The following OSBPL6 variants were observed in gnomAD, a reference collection of about 807,000 sequenced individuals.
OSBPL6 encodes oxysterol binding protein like 6, also known as oxysterol-binding protein-related protein 6.
In OSBPL6, 49 loss-of-function variants were observed where a neutral mutation model predicts 125.8. The observed-to-expected ratio is 0.39, with a 90% CI of 0.31 to 0.49. The LOEUF (loss-of-function observed/expected upper bound fraction) is 0.49, where lower values mean the gene tolerates loss of function less well. OSBPL6 is among the 20% of genes least tolerant of loss of function. OSBPL6 has a pLI of 0.88. For synonymous variants in OSBPL6, 394 were observed against 391.8 expected (o/e 1.01, Z -0.07); for missense variants, 986 against 1,135.4 (o/e 0.87, Z 1.89).
chr2:178,347,479 G>C (rs1836204), intron 11 of OSBPL6, among the ~76,000 whole-genome samples: 1 of 152,124 alleles, frequency 6.6e-6, no homozygotes, highest in Non-Finnish European at 1.5e-5. Flanking sequence ...TTTCCATGGA[G>C]TCTGTGTCCC....
intron 12 of OSBPL6, among the ~76,000 whole-genome samples, chr2:178,354,944 G>A (rs940662799): frequency 1.1e-4 from 16 of 152,206 alleles, no homozygotes; most frequent in African/African-American, 2.6e-4. Flanking sequence ...ACTCAAAACC[G>A]CACAACTACA....
At chr2:178,327,218 T>A (rs1194285722) in intron 4 of OSBPL6, among the ~76,000 whole-genome samples, 1 of 152,246 alleles carries the variant, frequency 6.6e-6, no homozygotes, top group African/African-American at 2.4e-5. Flanking sequence ...TACTACAATC[T>A]GAGTTTAGTC....
intron 1 of OSBPL6, among the ~76,000 whole-genome samples, chr2:178,272,811 C>G (rs974654494): frequency 6.6e-6 from 1 of 152,310 alleles, no homozygotes; most frequent in Non-Finnish European, 1.5e-5. Flanking sequence ...AGCATGAGCA[C>G]CTGCCATGGG....
At chr2:178,361,031 A>G (rs1158951431) in intron 12 of OSBPL6, among the ~76,000 whole-genome samples, 1 of 152,186 alleles carries the variant, frequency 6.6e-6, no homozygotes, top group Non-Finnish European at 1.5e-5. Flanking sequence ...TACCAATGCT[A>G]ATTTGTTAGG....
intron 1 of OSBPL6, among the ~76,000 whole-genome samples, chr2:178,259,247 T>C (rs1487425131): frequency 1.3e-5 from 2 of 152,232 alleles, no homozygotes; most frequent in African/African-American, 2.4e-5. Context: ...TATTTTACTT[T>C]TCTGGAAAAT....
chr2:178,342,600 T>C (rs1441940966), intron 11 of OSBPL6, among the ~76,000 whole-genome samples: 2 of 152,226 alleles, frequency 1.3e-5, no homozygotes, highest in Non-Finnish European at 2.9e-5. Flanking sequence ...TAGAGGGTTC[T>C]GTGGAGATTA....
intron 3 of OSBPL6, among the ~76,000 whole-genome samples, chr2:178,318,065 C>T (rs1052122714): frequency 3.9e-5 from 6 of 152,182 alleles, no homozygotes; most frequent in Non-Finnish European, 8.8e-5. Context: ...GGAGGAAGTT[C>T]ACCAGTAAGC....
chr2:178,296,023 G>C (rs1574787100), intron 2 of OSBPL6, among the ~76,000 whole-genome samples: 3 of 152,132 alleles, frequency 2.0e-5, no homozygotes, highest in Admixed American at 2.0e-4. Context: ...TGAGTTGGCG[G>C]TGATTCTGTG....
chr2:178,226,410 A>G lies in OSBPL6; in HGVS notation c.-351+31736A>G, dbSNP rs375042870. On this transcript the variant is annotated intron_variant, in intron 1 of 24. Coordinates refer to ENST00000190611, the MANE Select transcript of OSBPL6 (RefSeq NM_032523.4). ...AGGTCAGCTTCCTGGAGCCCAGAGA[A>G]GGGCAGAGAAGGCTAGACAATGGGT... 1.7e-4 allele frequency among the ~76,000 whole-genome samples: 26 copies of G among 152,318 alleles called. 1 individual carries two copies. In the East Asian group the frequency reaches 4.6e-3, roughly 27 times the overall value.
intron 1 of OSBPL6, among the ~76,000 whole-genome samples, chr2:178,248,657 ATT>A (rs2091578508): frequency 6.6e-6 from 1 of 152,128 alleles, no homozygotes; most frequent in Admixed American, 6.5e-5. Context: ...AGATGTTTCT[ATT>A]GAGTCTTCCA....
In OSBPL6 at chr2:178,361,827, G is replaced by A; in HGVS notation, c.1287+12G>A. The A allele has an allele frequency of 1.2e-6, 2 of 1,613,858 alleles. No individual in the cohort carries two copies. Among genetic ancestry groups the A allele is most frequent in the Non-Finnish European group, 1.7e-6 (2 of 1,179,838 alleles). ...AGTCACTGTCTCAGGTAGGCAAAGAGTGTGTGTTTGCATGTACATGACACA... is the reference window on the plus strand; with the variant it reads ...AGTCACTGTCTCAGGTAGGCAAAGAATGTGTGTTTGCATGTACATGACACA... On this transcript the variant is annotated intron_variant, in intron 13 of 24. Transcript: ENST00000190611.
intron 1 of OSBPL6, among the ~76,000 whole-genome samples, chr2:178,259,347 T>C (rs528308312): frequency 2.0e-5 from 3 of 152,292 alleles, no homozygotes; most frequent in Admixed American, 6.5e-5. Context: ...GCGCTGATAA[T>C]TGTAAAATCC....
At chr2:178,304,493 C>T (rs569341040) in intron 2 of OSBPL6, among the ~76,000 whole-genome samples, 1 of 152,340 alleles carries the variant, frequency 6.6e-6, no homozygotes, top group African/African-American at 2.4e-5. Context: ...GATCAAATTA[C>T]TTCTCATCTG....
chr2:178,300,806 A>T (rs1209580855), intron 2 of OSBPL6, among the ~76,000 whole-genome samples: 1 of 152,200 alleles, frequency 6.6e-6, no homozygotes, highest in Non-Finnish European at 1.5e-5. Context: ...AGCGTGATTT[A>T]GAGAAATGTA....
At position 178,399,733 on chromosome 2, in the gene OSBPL6, A is replaced by G. The variant is rs1192100449; in HGVS notation, c.*4174A>G. The G allele has an allele frequency of 2.0e-5, 3 of 152,254 alleles. No individual in the cohort carries two copies. Among genetic ancestry groups the G allele is most frequent in the Non-Finnish European group, 4.4e-5 (3 of 68,046 alleles). The allele number at this position is 152,254 out of a possible 1,614,324, so 9.4% of individuals were successfully genotyped here. ...CCTTGCTCCTAACATAGTGAAAGGC[A>G]TAGATACACATGTATGTTCTTTTAC... On this transcript the variant is annotated 3_prime_UTR_variant, in exon 25 of 25. Transcript: ENST00000190611.
At chr2:178,285,813 G>A (rs1684647198) in intron 2 of OSBPL6, among the ~76,000 whole-genome samples, 1 of 152,216 alleles carries the variant, frequency 6.6e-6, no homozygotes, top group Non-Finnish European at 1.5e-5. Context: ...GTCTTCGGGA[G>A]CTTTTTACAA....
intron 4 of OSBPL6, among the ~76,000 whole-genome samples, chr2:178,327,656 C>A (rs1240814390): frequency 1.3e-5 from 2 of 151,172 alleles, no homozygotes; most frequent in African/African-American, 2.5e-5. Flanking sequence ...AGAAATGCAA[C>A]CCAGGGGCTC....
chr2:178,382,608 C>G (rs1439082685), intron 16 of OSBPL6, 101 bp downstream of exon 16: 1 of 1,557,842 alleles, frequency 6.4e-7, no homozygotes, highest in South Asian at 1.2e-5. Flanking sequence ...ACCCCCACCC[C>G]TGCTAATTGT....
intron 16 of OSBPL6, chr2:178,382,744 G>A: frequency 1.4e-6 from 2 of 1,439,746 alleles, no homozygotes; most frequent in South Asian, 3.1e-5. Flanking sequence ...CCAACAGCTT[G>A]AGTCCTTCTT....
Sources: allele counts gnomAD v4.1 joint callset (sites outside exome capture counted in the v4.1 genomes callset), GRCh38; gene constraint gnomAD v4.1.1; transcripts MANE v1.5; gene names NCBI Gene and HGNC (gene_info 2026-07-23, HGNC 2026-07-21).